ASCC3: variants seen among roughly 807,000 people sequenced by gnomAD.
ASCC3 encodes the protein activating signal cointegrator 1 complex subunit 3, also known as ASC-1 complex subunit P200.
Under a neutral mutation model 256.3 loss-of-function variants are expected in ASCC3, and 158 were observed. The observed-to-expected ratio is 0.62, with a 90% confidence interval of 0.54 to 0.70. ASCC3 has a LOEUF of 0.70. ASCC3 is among the 30% of genes least tolerant of loss of function. The pLI is 0.00. For synonymous variants in ASCC3, 948 were observed against 883.4 expected (o/e 1.07, Z -1.30); for missense variants, 2,259 against 2,626.0 (o/e 0.86, Z 3.05).
chr6:100,873,328 T>TA, intron 1 of ASCC3, among the ~76,000 whole-genome samples: 2 of 151,518 alleles, frequency 1.3e-5, no homozygotes, highest in South Asian at 4.2e-4. Context: ...CAAAGGCAAA[T>TA]AAAAAAGAAT....
chr6:100,560,757 A>G (rs1416382425), intron 36 of ASCC3, among the ~76,000 whole-genome samples: 1 of 141,166 alleles, frequency 7.1e-6, no homozygotes, highest in Non-Finnish European at 1.5e-5. Context: ...GAACACACAC[A>G]CACACACACA....
chr6:100,607,492 A>T lies in ASCC3; in HGVS notation c.4786-404T>A, dbSNP rs143252787. On this transcript the variant is annotated intron_variant, in intron 30 of 41. Transcript: ENST00000369162. ...AGACCAAAAAATAGTGGAAAAAAAA[A>T]ATCAGCCATAATCCTTGCAGACAGA... is the stretch of plus-strand genomic sequence containing the variant. Among the ~76,000 whole-genome samples the T allele has an allele frequency of 5.6e-4, 85 of 152,142 alleles. 1 individual carries two copies. The highest frequency in any genetic ancestry group is 1.9e-3 in the African/African-American group (81 of 41,542).
At chr6:100,596,804 G>A (rs1454086292) in intron 34 of ASCC3, among the ~76,000 whole-genome samples, 2 of 152,014 alleles carry the variant, frequency 1.3e-5, no homozygotes, top group African/African-American at 4.8e-5. Flanking sequence ...TCTGTCCCCT[G>A]CTCAAAACTC....
At position 100,509,446 on chromosome 6, in the gene ASCC3, A is replaced by C. The variant is rs1325331998; in HGVS notation, c.6549T>G (p.Ser2183Arg). 2 of 1,614,146 alleles carry C rather than the reference A, an allele frequency of 1.2e-6. No individual in the cohort carries two copies. The highest frequency in any genetic ancestry group is 1.7e-5 in the Admixed American group (1 of 60,014). The change falls in exon 42 of 42, where the codon AGT becomes AGG. Residue 2183 changes from serine to arginine, a missense_variant. Ser to Arg is a moderately radical substitution (Grantham distance 110). Around this residue, in one of 2 missense-constraint regions of ASCC3, gnomAD observed 1,839 missense variants for 2,206.7 expected, o/e 0.83. Transcript: ENST00000369162. ...YDIYLNVTQA[S>R]LSAQVNTKVS... is the part of the protein sequence containing the mutation. ...CCTTGGTGTTGACCTGTGCAGAAAG[A>C]CTCGCTTGTGTAACGTTGAGATAGA...
At chr6:100,546,295 G>T (rs1775714450) in intron 36 of ASCC3, among the ~76,000 whole-genome samples, 1 of 152,100 alleles carries the variant, frequency 6.6e-6, no homozygotes, top group South Asian at 2.1e-4. Flanking sequence ...CTCCCAAATT[G>T]ATCTACAGAT....
At position 100,509,983 on chromosome 6, in the gene ASCC3, C is replaced by G; in HGVS notation, c.6410G>C (p.Arg2137Pro). 2 of 1,613,956 alleles carry G rather than the reference C, an allele frequency of 1.2e-6. No individual in the cohort carries two copies. The highest frequency in any genetic ancestry group is 2.2e-5 in the South Asian group (2 of 91,068). The change falls in exon 41 of 42, where the codon CGA (arginine) becomes CCA (proline). Residue 2137 changes from arginine (R) to proline (P), a missense_variant. Physicochemically the swap from Arg to Pro is moderately radical, Grantham distance 103. Around this residue, in one of 2 missense-constraint regions of ASCC3, gnomAD observed 1,839 missense variants for 2,206.7 expected, o/e 0.83. Coordinates refer to ENST00000369162, the MANE Select transcript of ASCC3 (RefSeq NM_006828.4). The stretch of plus-strand genomic sequence containing the variant: ...AGAAAGGGAAGCAACATGATGATTT[C>G]GAATATATCCTACTCTTTTCAAAGC... ...LIALKRVGYI[R>P]NHHVASLSFY... is the part of the protein sequence containing the mutation.
At chr6:100,580,714 C>T (rs1218048895) in intron 36 of ASCC3, among the ~76,000 whole-genome samples, 5 of 151,264 alleles carry the variant, frequency 3.3e-5, no homozygotes, top group Non-Finnish European at 5.9e-5. Flanking sequence ...GTATATCTCC[C>T]AATGCTATCC....
intron 4 of ASCC3, among the ~76,000 whole-genome samples, chr6:100,825,766 C>T (rs1158785461): frequency 6.6e-6 from 1 of 152,122 alleles, no homozygotes; most frequent in Admixed American, 6.5e-5. Context: ...GGTATTTTCA[C>T]ATAGTCCCAT....
rs373989219 is a variant in ASCC3, at chr6:100,712,371, C to T, written c.2151+3091G>A. On this transcript the variant is annotated intron_variant, in intron 13 of 41. Coordinates refer to ENST00000369162, the MANE Select transcript of ASCC3 (RefSeq NM_006828.4). ...AGAAAATATTTCCAAAATATATACC[C>T]GATAAAGGACTGTTAACAAAATATA... is the stretch of plus-strand genomic sequence containing the variant. Among the ~76,000 whole-genome samples, 9 of 151,894 alleles carry T rather than the reference C, an allele frequency of 5.9e-5. No individual in the cohort carries two copies. The East Asian group carries it at 7.7e-4, about 13-fold the overall frequency.
chr6:100,834,178 G>A lies in ASCC3; in HGVS notation c.801+13970C>T, dbSNP rs1190260371. Among the ~76,000 whole-genome samples the A allele has an allele frequency of 2.0e-5, 3 of 152,160 alleles. No individual in the cohort carries two copies. In the East Asian group the frequency reaches 5.8e-4, roughly 29 times the overall value. On this transcript the variant is annotated intron_variant, in intron 4 of 41. Transcript: ENST00000369162. ...GGGAATCAGTGACTAATACAAGGTT[G>A]TTTTCTATGAGATTTGTCATTAGGT...
chr6:100,514,241 C>G (rs938430349), intron 39 of ASCC3, among the ~76,000 whole-genome samples: 2 of 152,032 alleles, frequency 1.3e-5, no homozygotes, highest in Admixed American at 6.6e-5. Flanking sequence ...ACAACCTGTA[C>G]AAAGGATGGT....
At chr6:100,771,294 C>T (rs1320582381) in intron 8 of ASCC3, among the ~76,000 whole-genome samples, 1 of 152,014 alleles carries the variant, frequency 6.6e-6, no homozygotes, top group Admixed American at 6.5e-5. Flanking sequence ...TAAATCACTA[C>T]CTGAATGTAA....
intron 36 of ASCC3, among the ~76,000 whole-genome samples, chr6:100,561,757 T>C (rs1016109601): frequency 1.3e-5 from 2 of 152,126 alleles, no homozygotes; most frequent in Admixed American, 1.3e-4. Context: ...AGAAAAAAGA[T>C]GACACCTGTT....
In ASCC3 at chr6:100,569,654, G is replaced by T. The variant is rs191320044; in HGVS notation, c.5550+19980C>A. On this transcript the variant is annotated intron_variant, in intron 36 of 41. Transcript: ENST00000369162. The stretch of plus-strand genomic sequence containing the variant: ...CCTCCTCAGCCTCCCAAAATGCTGG[G>T]ATTACAGGCGTGGCGCGGTCGGTTA... 1.0e-3 allele frequency among the ~76,000 whole-genome samples: 155 copies of T among 152,284 alleles called. 1 individual carries two copies. The highest frequency in any genetic ancestry group is 3.5e-3 in the African/African-American group (145 of 41,560).
rs1015619297 is a variant in ASCC3 at position 100,829,587 on chromosome 6, C to T, written c.801+18561G>A. On this transcript the variant is annotated intron_variant, in intron 4 of 41. Transcript: ENST00000369162. Reference sequence around the variant, plus strand: ...CGGCGCCTCTCCCTCCACACCTCCCCGCAAGCTGAGGGAGCCGGCTCCGGC... The same window carrying T: ...CGGCGCCTCTCCCTCCACACCTCCCTGCAAGCTGAGGGAGCCGGCTCCGGC... 7.9e-5 allele frequency among the ~76,000 whole-genome samples: 12 copies of T among 152,214 alleles called. No individual in the cohort carries two copies. The East Asian group carries it at 2.1e-3, about 27-fold the overall frequency.
chr6:100,565,432 A>T (rs1227189033), intron 36 of ASCC3, among the ~76,000 whole-genome samples: 1 of 152,160 alleles, frequency 6.6e-6, no homozygotes, highest in East Asian at 1.9e-4. Flanking sequence ...TTACTTTATG[A>T]TTTCTTCTAA....
At chr6:100,744,975 T>C (rs543845694) in intron 10 of ASCC3, among the ~76,000 whole-genome samples, 24 of 152,206 alleles carry the variant, frequency 1.6e-4, no homozygotes, top group African/African-American at 5.8e-4. Flanking sequence ...TGGAGTGACT[T>C]AGTAACAATT....
intron 4 of ASCC3, among the ~76,000 whole-genome samples, chr6:100,813,093 A>T (rs563516364): frequency 5.3e-5 from 8 of 152,294 alleles, no homozygotes; most frequent in East Asian, 1.9e-4. Flanking sequence ...GAGCAAAAAA[A>T]TTTTGAAAAA....
intron 10 of ASCC3, among the ~76,000 whole-genome samples, chr6:100,739,084 A>G (rs1475100775): frequency 1.3e-5 from 2 of 152,164 alleles, no homozygotes; most frequent in African/African-American, 4.8e-5. Context: ...GGTTTGTCAT[A>G]TATGGTTCTT....
Sources: allele counts gnomAD v4.1 joint callset (sites outside exome capture counted in the v4.1 genomes callset), GRCh38; gene constraint gnomAD v4.1.1; regional missense constraint gnomAD v4.1.1; transcripts MANE v1.5; gene names NCBI Gene and HGNC (gene_info 2026-07-23, HGNC 2026-07-21).